LIN54: variants seen among roughly 807,000 people sequenced by gnomAD.
The protein encoded by LIN54 is lin-54 DREAM MuvB core complex component.
Under a neutral mutation model 78.7 loss-of-function variants are expected in LIN54, and 9 were observed. That is an observed-to-expected ratio of 0.11 (90% confidence interval 0.07 to 0.20). The LOEUF is 0.20. Ranked by LOEUF, LIN54 falls within the 10% of genes least tolerant of loss-of-function variation. The pLI, the probability that LIN54 is intolerant of heterozygous loss-of-function variation, is 1.00. For synonymous variants in LIN54, 269 were observed against 318.4 expected (o/e 0.84, Z 1.65); for missense variants, 573 against 889.9 (o/e 0.64, Z 4.53).
At chr4:83,012,683 G>A (rs1014279903), upstream of LIN54, 1 of 151,838 alleles carries the variant, frequency 6.6e-6, no homozygotes, top group South Asian at 2.1e-4. Flanking sequence ...CCGGGCTCCC[G>A]GAGGGAGCGG....
At chr4:82,943,527 G>C (rs577201030) in intron 5 of LIN54, among the ~76,000 whole-genome samples, 7 of 152,106 alleles carry the variant, frequency 4.6e-5, no homozygotes, top group Non-Finnish European at 1.0e-4. Context: ...TATTTAACTT[G>C]TTATTCCTGT....
chr4:83,008,607 G>C (rs984724386), intron 1 of LIN54, among the ~76,000 whole-genome samples: 1 of 151,898 alleles, frequency 6.6e-6, no homozygotes, highest in Non-Finnish European at 1.5e-5. Context: ...AGCCAAGATC[G>C]CGCCACTGCA....
chr4:83,008,739 A>G (rs1185499536), intron 1 of LIN54, among the ~76,000 whole-genome samples: 1 of 152,194 alleles, frequency 6.6e-6, no homozygotes, highest in Non-Finnish European at 1.5e-5. Context: ...ACACTGGACT[A>G]TCTCTGGTGG....
intron 1 of LIN54, among the ~76,000 whole-genome samples, chr4:83,001,728 G>A (rs1393691481): frequency 5.4e-5 from 8 of 148,304 alleles, no homozygotes; most frequent in African/African-American, 2.0e-4. Flanking sequence ...GGCGCCTGTT[G>A]TCCCAGCTAC....
chr4:82,970,441 T>C lies in LIN54; in HGVS notation c.837A>G (p.Gly279=), dbSNP rs772384493. ...AGRVLSQSTP[G]TPSKTITISE... is the part of the protein sequence containing the mutation. ...ATATTGTTATGGTCTTTGATGGAGTTCCGGGAGTAGACTGTGAAAGAACCC... is the reference window on the plus strand; with the variant it reads ...ATATTGTTATGGTCTTTGATGGAGTCCCGGGAGTAGACTGTGAAAGAACCC... Residue 279 remains glycine (G), a synonymous_variant, in exon 4 of 13, where the codon GGA becomes GGG. Transcript: ENST00000340417. 1.2e-6 allele frequency: 2 copies of C among 1,612,876 alleles called. No homozygotes were observed. The highest frequency in any genetic ancestry group is 2.7e-5 in the African/African-American group (2 of 74,864).
In LIN54 at chr4:82,936,429, A is replaced by C. The variant is rs1164909609; in HGVS notation, c.1605-48T>G. 6 of 950,090 alleles carry C rather than the reference A, an allele frequency of 6.3e-6. No individual in the cohort carries two copies. In the South Asian group the frequency reaches 9.2e-5, roughly 15 times the overall value. 58.9% of individuals were successfully genotyped at this position (950,090 alleles called of 1,614,324 possible). A position where few individuals can be genotyped will look rare whatever the true frequency, so the allele number is the denominator to read the frequency against. On this transcript the variant is annotated intron_variant, in intron 9 of 12. Transcript: ENST00000340417. ...AGGTAAAAAGTCATTATTAAGGAAA[A>C]CTAATTATCTGATTATGCATACATT...
chr4:82,995,193 G>A (rs1460875675), intron 1 of LIN54, among the ~76,000 whole-genome samples: 1 of 151,858 alleles, frequency 6.6e-6, no homozygotes, highest in Non-Finnish European at 1.5e-5. Context: ...CCAGCTACTC[G>A]GGAGGCTGAG....
chr4:83,008,608 C>T (rs556738938), intron 1 of LIN54, among the ~76,000 whole-genome samples: 2 of 151,848 alleles, frequency 1.3e-5, no homozygotes, highest in Non-Finnish European at 2.9e-5. Context: ...GCCAAGATCG[C>T]GCCACTGCAC....
chr4:82,983,847 A>C (rs1181566908), intron 2 of LIN54, among the ~76,000 whole-genome samples: 2 of 152,196 alleles, frequency 1.3e-5, no homozygotes, highest in East Asian at 3.8e-4. Flanking sequence ...AGTCTGGCAT[A>C]TTTATACCAG....
At chr4:82,940,032 C>G (rs1210611755) in intron 5 of LIN54, 70 bp from the exon 6 acceptor site, 2 of 1,016,902 alleles carry the variant, frequency 2.0e-6, no homozygotes, top group Non-Finnish European at 3.0e-6. Context: ...CTTAAGAATA[C>G]TTAGCTCTCC....
At chr4:82,947,711 G>A (rs1371525595) in intron 4 of LIN54, among the ~76,000 whole-genome samples, 1 of 152,064 alleles carries the variant, frequency 6.6e-6, no homozygotes, top group African/African-American at 2.4e-5. Flanking sequence ...CCTAACTGCT[G>A]TTTAACCAAT....
intron 1 of LIN54, among the ~76,000 whole-genome samples, chr4:82,993,513 C>T (rs564515184): frequency 6.6e-6 from 1 of 151,682 alleles, no homozygotes; most frequent in South Asian, 2.1e-4. Flanking sequence ...CCACCGCGCC[C>T]GGCTAGAATC....
intron 4 of LIN54, among the ~76,000 whole-genome samples, chr4:82,958,348 G>T (rs906363460): frequency 6.6e-6 from 1 of 152,142 alleles, no homozygotes; most frequent in Non-Finnish European, 1.5e-5. Context: ...CTCCCTTACA[G>T]TAAGGAGGGC....
In LIN54 at chr4:82,938,461, A is replaced by G; in HGVS notation, c.1484T>C (p.Phe495Ser). Residue 495 changes from phenylalanine (F) to serine (S), a missense_variant, in exon 8 of 13, where the codon TTT (phenylalanine) becomes TCT (serine). Around this residue, in one of 6 missense-constraint regions of LIN54, gnomAD observed 101 missense variants for 194.2 expected, o/e 0.52. Transcript: ENST00000340417. Reference protein sequence around the residue: ...SYVSIASNSTFTGTSGIQTQA... With the variant: ...SYVSIASNSTSTGTSGIQTQA... ...GGTCTGGATACCAGATGTTCCAGTA[A>G]AGGTAGAGTTGCTTGCTATTGATAC... 6.2e-6 allele frequency: 10 copies of G among 1,612,226 alleles called. No individual in the cohort carries two copies. The highest frequency in any genetic ancestry group is 8.5e-6 in the Non-Finnish European group (10 of 1,178,316).
rs771856690 is a variant in LIN54, at chr4:82,930,990, T to C, written c.2001A>G (p.Ser667=). The C allele has an allele frequency of 6.2e-7, 1 of 1,614,222 alleles. No homozygotes were observed. Among genetic ancestry groups the C allele is most frequent in the South Asian group, 1.1e-5 (1 of 91,088 alleles). The change falls in exon 12 of 13, where the codon TCA becomes TCG. Residue 667 remains serine, a synonymous_variant. Transcript: ENST00000340417. ...AAKTKLSSQI[S]DLLTRPTPAL... ...CTGGTGTTGGCCTAGTAAGCAAGTC[T>C]GAAATTTGAGAGGATAACTTCGTCT...
At chr4:82,939,158 G>C (rs539692502) in intron 7 of LIN54, among the ~76,000 whole-genome samples, 52 of 152,254 alleles carry the variant, frequency 3.4e-4, no homozygotes, top group African/African-American at 1.2e-3. Context: ...AAATAAACTT[G>C]GGCTTATTTT....
chr4:83,011,714 G>T (rs1386933416), upstream of LIN54, among the ~76,000 whole-genome samples: 1 of 151,200 alleles, frequency 6.6e-6, no homozygotes, highest in Non-Finnish European at 1.5e-5. Flanking sequence ...CTTGTCATCA[G>T]TCAGTTGAAT....
chr4:82,986,402 C>T (rs1727138342), intron 1 of LIN54, among the ~76,000 whole-genome samples: 1 of 152,144 alleles, frequency 6.6e-6, no homozygotes, highest in Non-Finnish European at 1.5e-5. Context: ...TAGGTGTGAG[C>T]CACCATGCCC....
At chr4:82,947,235 ATT>A (rs34511957) in intron 4 of LIN54, among the ~76,000 whole-genome samples, 1 of 44,290 alleles carries the variant, frequency 2.3e-5, no homozygotes, top group African/African-American at 1.0e-4. Context: ...ATATATATAT[ATT>A]TTTTTTTTTT....
Sources: allele counts gnomAD v4.1 joint callset (sites outside exome capture counted in the v4.1 genomes callset), GRCh38; gene constraint gnomAD v4.1.1; regional missense constraint gnomAD v4.1.1; transcripts MANE v1.5; gene names NCBI Gene and HGNC (gene_info 2026-07-23, HGNC 2026-07-21).